Variants in DLC1 observed in about 807,000 individuals in gnomAD.
The protein encoded by DLC1 is DLC1 Rho GTPase activating protein.
In DLC1, 54 loss-of-function variants were observed where a neutral mutation model predicts 140.3. The ratio of observed to expected loss-of-function variants is 0.38; its 90% confidence interval spans 0.31 to 0.48. DLC1 has a LOEUF of 0.48. Ranked by LOEUF, DLC1 falls within the 20% of genes least tolerant of loss-of-function variation. DLC1 has a pLI of 0.96. For missense variants in DLC1, 2,536 were observed against 1,907.0 expected (o/e 1.33, Z -6.14); for synonymous variants, 986 against 728.1 (o/e 1.35, Z -5.70).
chr8:13,468,115 TAGA>T (rs1377800217), intron 2 of DLC1, among the ~76,000 whole-genome samples: 1 of 152,204 alleles, frequency 6.6e-6, no homozygotes, highest in Non-Finnish European at 1.5e-5. Context: ...ATTTTATTTA[TAGA>T]AGAATTTTAA....
chr8:13,549,065 T>C (rs1268914336), intron 1 of DLC1, among the ~76,000 whole-genome samples: 1 of 151,982 alleles, frequency 6.6e-6, no homozygotes, highest in African/African-American at 2.4e-5. Context: ...ACCAACTATA[T>C]TAAAAGTCAG....
chr8:13,123,844 T>C (rs925473702), intron 5 of DLC1, among the ~76,000 whole-genome samples: 3 of 152,324 alleles, frequency 2.0e-5, no homozygotes, highest in East Asian at 1.9e-4. Flanking sequence ...AAACCACTCA[T>C]ACAATTTTTG....
intron 5 of DLC1, among the ~76,000 whole-genome samples, chr8:13,177,754 C>G (rs1825829668): frequency 6.6e-6 from 1 of 152,022 alleles, no homozygotes; most frequent in South Asian, 2.1e-4. Context: ...AATTTTGGTT[C>G]TTGGACAGAG....
At chr8:13,188,809 ATATATATATATATATATG>A (rs1826548887) in intron 5 of DLC1, among the ~76,000 whole-genome samples, 69 of 37,874 alleles carry the variant, frequency 1.8e-3, no homozygotes, top group African/African-American at 7.8e-3. Flanking sequence ...GTGTATATAT[ATATATATATATATATATG>A]TATATATATA....
intron 1 of DLC1, among the ~76,000 whole-genome samples, chr8:13,590,284 C>A (rs1325068110): frequency 6.6e-6 from 1 of 151,924 alleles, no homozygotes; most frequent in Non-Finnish European, 1.5e-5. Flanking sequence ...AAGGTAGAAG[C>A]CATAAAACCC....
chr8:13,221,722 G>A lies in DLC1; in HGVS notation c.1348+83547C>T, dbSNP rs1202284590. Among the ~76,000 whole-genome samples, 690 of 131,268 alleles carry A rather than the reference G, an allele frequency of 5.3e-3. 10 individuals are homozygous for A. The highest frequency in any genetic ancestry group is 0.02 in the African/African-American group (651 of 32,980). 86.1% of individuals were successfully genotyped at this position (131,268 alleles called of 152,430 possible). A position where few individuals can be genotyped will look rare whatever the true frequency, so the allele number is the denominator to read the frequency against. ...TATATGTGTGTGTATATGTGTGTGT[G>A]TGTGTATATATATATATATATATGA... is the stretch of plus-strand genomic sequence containing the variant. On this transcript the variant is annotated intron_variant, in intron 5 of 17. Transcript: ENST00000276297.
At chr8:13,163,120 AC>A (rs1824845237) in intron 5 of DLC1, among the ~76,000 whole-genome samples, 1 of 152,208 alleles carries the variant, frequency 6.6e-6, no homozygotes, top group African/African-American at 2.4e-5. Context: ...TTGGTGGCCC[AC>A]GATTTTAGCC....
intron 5 of DLC1, among the ~76,000 whole-genome samples, chr8:13,304,059 T>C (rs1832316579): frequency 6.6e-6 from 1 of 152,162 alleles, no homozygotes; most frequent in African/African-American, 2.4e-5. Context: ...CTTTGTTCTG[T>C]TATATACTTT....
chr8:13,094,975 C>G lies in DLC1; in HGVS notation c.3328-18G>C. The G allele has an allele frequency of 6.2e-7, 1 of 1,614,084 alleles. No individual in the cohort carries two copies. Among genetic ancestry groups the G allele is most frequent in the Non-Finnish European group, 8.5e-7 (1 of 1,179,968 alleles). ...AGCCCAACCTGTCGGAAGAGCAACA[C>G]TAAGTGTGGGGTACATTCACGTGGA... On this transcript the variant is annotated intron_variant, in intron 11 of 17. Transcript: ENST00000276297.
chr8:13,374,827 G>A (rs998323180), intron 4 of DLC1, among the ~76,000 whole-genome samples: 4 of 152,094 alleles, frequency 2.6e-5, no homozygotes, highest in Admixed American at 1.3e-4. Context: ...CTATCCATGA[G>A]CATGGAATGT....
At chr8:13,380,814 T>C (rs534708640) in intron 4 of DLC1, among the ~76,000 whole-genome samples, 1 of 152,296 alleles carries the variant, frequency 6.6e-6, no homozygotes, top group East Asian at 1.9e-4. Flanking sequence ...CAAGAAGTAT[T>C]TGGAGGAGAA....
At chr8:13,415,562 G>T (rs1337874882) in intron 2 of DLC1, among the ~76,000 whole-genome samples, 3 of 151,882 alleles carry the variant, frequency 2.0e-5, no homozygotes, top group East Asian at 3.9e-4. Context: ...ACCACACCCG[G>T]CTAGTTTTTT....
At chr8:13,477,731 C>T (rs934773647) in intron 2 of DLC1, among the ~76,000 whole-genome samples, 25 of 151,768 alleles carry the variant, frequency 1.6e-4, no homozygotes, top group African/African-American at 4.6e-4. Context: ...GGGATGGAGA[C>T]GAGAAATGAA....
chr8:13,390,673 C>G (rs888472818), intron 4 of DLC1, among the ~76,000 whole-genome samples: 1 of 152,184 alleles, frequency 6.6e-6, no homozygotes, highest in Non-Finnish European at 1.5e-5. Flanking sequence ...CCTGCACGTT[C>G]TGCACATGTA....
intron 2 of DLC1, among the ~76,000 whole-genome samples, chr8:13,475,924 C>T: frequency 6.6e-6 from 1 of 152,196 alleles, no homozygotes; most frequent in East Asian, 1.9e-4. Context: ...GTATTTTCTG[C>T]AGTTCCCACA....
chr8:13,438,829 C>G (rs751042825), intron 2 of DLC1, among the ~76,000 whole-genome samples: 5 of 152,180 alleles, frequency 3.3e-5, no homozygotes, highest in Non-Finnish European at 5.9e-5. Context: ...ATTCACTGCA[C>G]TTATCAAGAG....
rs957407686 is a variant in DLC1 at position 13,088,377 on chromosome 8, C to A, written c.4292+110G>T. 4 of 1,286,772 alleles carry A rather than the reference C, an allele frequency of 3.1e-6. No individual in the cohort carries two copies. The East Asian group carries it at 1.0e-4, about 32-fold the overall frequency. The allele number at this position is 1,286,772 out of a possible 1,614,324, so 79.7% of individuals were successfully genotyped here. A position where few individuals can be genotyped will look rare whatever the true frequency, so the allele number is the denominator to read the frequency against. Reference sequence around the variant, plus strand: ...GATTACAGGTGTGAGCCACCATATGCCCGGCCTCTACTTTAAATAATTATA... The same window carrying A: ...GATTACAGGTGTGAGCCACCATATGACCGGCCTCTACTTTAAATAATTATA... On this transcript the variant is annotated intron_variant, in intron 16 of 17. Transcript: ENST00000276297.
chr8:13,572,038 A>T (rs1240371759), intron 1 of DLC1, among the ~76,000 whole-genome samples: 1 of 150,942 alleles, frequency 6.6e-6, no homozygotes, highest in African/African-American at 2.4e-5. Flanking sequence ...TCCTCTGCCC[A>T]TTTTCAAATT....
chr8:13,483,765 G>A (rs1348292332), intron 2 of DLC1, among the ~76,000 whole-genome samples: 1 of 152,088 alleles, frequency 6.6e-6, no homozygotes, highest in Non-Finnish European at 1.5e-5. Context: ...ATAGAAGGGA[G>A]AAGTACAGAT....
Sources: gnomAD v4.1 joint callset for allele counts (sites outside exome capture counted in the v4.1 genomes callset) on GRCh38, gnomAD v4.1.1 for gene constraint, MANE v1.5 for transcripts, NCBI Gene and HGNC (gene_info 2026-07-23, HGNC 2026-07-21) for gene names.